Variants in SH3KBP1 observed in about 807,000 individuals in gnomAD.
SH3KBP1 encodes SH3 domain containing kinase binding protein 1.
A neutral mutation model predicts 50.1 loss-of-function variants in SH3KBP1; 8 were observed. The ratio of observed to expected loss-of-function variants is 0.16; its 90% CI spans 0.09 to 0.29. The LOEUF (loss-of-function observed/expected upper bound fraction) is 0.29. SH3KBP1 is among the 10% of genes least tolerant of loss of function. The pLI, the probability that SH3KBP1 is intolerant of heterozygous loss-of-function variation, is 1.00. For missense variants in SH3KBP1, 377 were observed against 535.2 expected, an observed-to-expected ratio of 0.70 and a Z score of 2.92; for synonymous variants, 227 against 218.6, an observed-to-expected ratio of 1.04 and a Z score of -0.34.
chrX:19,623,611 C>T (rs368082056), intron 8 of SH3KBP1, among the ~76,000 whole-genome samples: 2 of 111,982 alleles, frequency 1.8e-5, no homozygotes, highest in African/African-American at 6.5e-5. Flanking sequence ...TTGAACCCGG[C>T]AGGCGGAGGT....
At chrX:19,760,387 A>AAAATAAATAAAT (rs761098345) in intron 2 of SH3KBP1, among the ~76,000 whole-genome samples, 52 of 93,994 alleles carry the variant, frequency 5.5e-4, no homozygotes, top group African/African-American at 2.2e-3. Flanking sequence ...ATTCTGTCTC[A>AAAATAAATAAAT]AAATAAATAA....
chrX:19,730,305 A>G lies in SH3KBP1; in HGVS notation c.286+16013T>C, dbSNP rs761664604. ...AGCCTGGGCAACATAGCAGAACTCTATTTCCATAAAAGAAATAACTATTAA... is the reference window on the plus strand; with the variant it reads ...AGCCTGGGCAACATAGCAGAACTCTGTTTCCATAAAAGAAATAACTATTAA... On this transcript the variant is annotated intron_variant, in intron 3 of 17. Coordinates refer to ENST00000397821, the MANE Select transcript of SH3KBP1 (RefSeq NM_031892.3). Among the ~76,000 whole-genome samples, 3 of 112,145 alleles carry G rather than the reference A, an allele frequency of 2.7e-5. No individual in the cohort carries two copies. The South Asian group carries it at 1.1e-3, about 41-fold the overall frequency.
intron 4 of SH3KBP1, 43 bp downstream of exon 4, chrX:19,706,838 C>G: frequency 9.8e-7 from 1 of 1,024,098 alleles, no homozygotes; most frequent in Non-Finnish European, 1.4e-6. Context: ...GTGACTATGA[C>G]AGCCCATTCG....
At chrX:19,731,389 T>C (rs1339578874) in intron 3 of SH3KBP1, among the ~76,000 whole-genome samples, 2 of 112,167 alleles carry the variant, frequency 1.8e-5, no homozygotes, top group African/African-American at 6.5e-5. Context: ...TTTAGGACCC[T>C]TCTCTTTGAG....
intron 8 of SH3KBP1, among the ~76,000 whole-genome samples, chrX:19,612,048 G>A (rs886565652): frequency 9.1e-6 from 1 of 109,424 alleles, no homozygotes; most frequent in Admixed American, 9.8e-5. Context: ...GATGCCTGGA[G>A]TGGGATAGAG....
chrX:19,710,673 T>C (rs2063756799), intron 3 of SH3KBP1, among the ~76,000 whole-genome samples: 1 of 111,709 alleles, frequency 9.0e-6, no homozygotes, highest in Non-Finnish European at 1.9e-5. Context: ...CTCATAGATA[T>C]GTACGTATAG....
chrX:19,603,297 C>T (rs573262448), intron 9 of SH3KBP1, among the ~76,000 whole-genome samples: 4 of 112,481 alleles, frequency 3.6e-5, no homozygotes, highest in East Asian at 2.8e-4. Context: ...ACCGGATAAA[C>T]GTGGCTTCTG....
chrX:19,811,369 G>T (rs868195941), intron 2 of SH3KBP1, among the ~76,000 whole-genome samples: 30 of 111,522 alleles, frequency 2.7e-4, no homozygotes, highest in African/African-American at 9.5e-4. Context: ...GTTTTAAACA[G>T]CTGTAATGTA....
chrX:19,767,866 A>G (rs2065669889), intron 2 of SH3KBP1, among the ~76,000 whole-genome samples: 1 of 110,539 alleles, frequency 9.0e-6, no homozygotes, highest in African/African-American at 3.3e-5. Flanking sequence ...AATGATCAAC[A>G]TCCTCCCTCC....
At position 19,793,140 on chromosome X, in the gene SH3KBP1, T is replaced by A. The variant is rs192947761; in HGVS notation, c.162+42985A>T. 2.6e-3 allele frequency among the ~76,000 whole-genome samples: 284 copies of A among 108,133 alleles called. 1 individual carries two copies. Among genetic ancestry groups the A allele is most frequent in the African/African-American group, 8.8e-3 (261 of 29,674 alleles). The allele number at this position is 108,133 out of a possible 115,157, so 93.9% of individuals were successfully genotyped here. A position where few individuals can be genotyped will look rare whatever the true frequency, so the allele number is the denominator to read the frequency against. On this transcript the variant is annotated intron_variant, in intron 2 of 17. Coordinates refer to ENST00000397821, the MANE Select transcript of SH3KBP1 (RefSeq NM_031892.3). The stretch of plus-strand genomic sequence containing the variant: ...AGTGGGACCCCATCTCTTAAAAAAA[T>A]TTTAAAATTAGTCAGGCATGGTGGT...
intron 6 of SH3KBP1, among the ~76,000 whole-genome samples, chrX:19,680,699 C>A (rs1011367278): frequency 2.7e-5 from 3 of 112,298 alleles, no homozygotes; most frequent in Non-Finnish European, 5.6e-5. Flanking sequence ...GCTAATAAAA[C>A]AGAATCACAC....
rs544245998 is a variant in SH3KBP1, at chrX:19,798,608, C to G, written c.162+37517G>C. The stretch of plus-strand genomic sequence containing the variant: ...CTCACTCATACCCTTTCCCCAGGAC[C>G]TTGTTTTGGGAGGCGGGTCACCTGG... On this transcript the variant is annotated intron_variant, in intron 2 of 17. Transcript: ENST00000397821. Among the ~76,000 whole-genome samples, 28 of 111,827 alleles carry G rather than the reference C, an allele frequency of 2.5e-4. 1 individual carries two copies. In the South Asian group the frequency reaches 0.01, roughly 42 times the overall value.
chrX:19,801,256 G>A (rs781538152), intron 2 of SH3KBP1, among the ~76,000 whole-genome samples: 1 of 112,102 alleles, frequency 8.9e-6, no homozygotes, highest in Non-Finnish European at 1.9e-5. Context: ...CAGCCCTTGG[G>A]TGAAGCTACT....
chrX:19,880,681 T>C (rs2069406291), intron 1 of SH3KBP1, among the ~76,000 whole-genome samples: 1 of 112,177 alleles, frequency 8.9e-6, no homozygotes, highest in Admixed American at 9.4e-5. Context: ...TGTGACTATG[T>C]TCCCTTCCAT....
intron 2 of SH3KBP1, among the ~76,000 whole-genome samples, chrX:19,761,403 G>A (rs2065430209): frequency 2.9e-5 from 3 of 104,391 alleles, no homozygotes; most frequent in Non-Finnish European, 3.9e-5. Flanking sequence ...GAGGGAGATG[G>A]GGAGAGAGGG....
chrX:19,575,410 G>A (rs775061029), intron 12 of SH3KBP1, among the ~76,000 whole-genome samples: 2 of 110,758 alleles, frequency 1.8e-5, no homozygotes, highest in South Asian at 7.8e-4. Context: ...ACAGATGGTC[G>A]GATAGCCTGA....
chrX:19,825,746 C>T (rs1325356381), intron 2 of SH3KBP1, among the ~76,000 whole-genome samples: 2 of 111,282 alleles, frequency 1.8e-5, no homozygotes, highest in South Asian at 3.7e-4. Flanking sequence ...TGGTGGTGCA[C>T]GCCTGTAATC....
intron 2 of SH3KBP1, among the ~76,000 whole-genome samples, chrX:19,820,589 T>C (rs771778190): frequency 4.5e-5 from 5 of 111,778 alleles, no homozygotes; most frequent in African/African-American, 3.3e-5. Context: ...AACGTGCCTA[T>C]ATCAATATAT....
chrX:19,550,925 T>C (rs2147647446), intron 13 of SH3KBP1, among the ~76,000 whole-genome samples: 1 of 111,389 alleles, frequency 9.0e-6, no homozygotes, highest in African/African-American at 3.3e-5. Flanking sequence ...TATTCTTTAT[T>C]TGCAGCTAAA....
Sources: allele counts gnomAD v4.1 joint callset (sites outside exome capture counted in the v4.1 genomes callset), GRCh38; gene constraint gnomAD v4.1.1; transcripts MANE v1.5; gene names NCBI Gene and HGNC (gene_info 2026-07-23, HGNC 2026-07-21).